The following FOXK1 variants were observed in gnomAD, a reference collection of about 807,000 sequenced individuals.
FOXK1 encodes forkhead box protein K1.
FOXK1 carries 19 observed loss-of-function variants against 51.9 expected under a neutral mutation model. The observed-to-expected ratio is 0.37, with a 90% CI of 0.26 to 0.54. The LOEUF is 0.54. Among genes scored for constraint, FOXK1 ranks in the 20% least tolerant of loss-of-function variants. The probability of loss-of-function intolerance (pLI) is 0.87; values close to 1 mark genes in which losing one functional copy is unlikely to be tolerated. For synonymous variants in FOXK1, 537 were observed against 482.6 expected (o/e 1.11, Z -1.48); for missense variants, 870 against 1,032.7 (o/e 0.84, Z 2.16).
intron 1 of FOXK1, among the ~76,000 whole-genome samples, chr7:4,694,680 C>G (rs1176503695): frequency 2.0e-5 from 3 of 152,172 alleles, no homozygotes; most frequent in African/African-American, 7.2e-5. Context: ...AGATTTGGAG[C>G]TTTGTGCCAG....
In FOXK1 at chr7:4,760,767, C is replaced by T. The variant is rs549555351; in HGVS notation, c.1697-297C>T. 3.9e-5 allele frequency among the ~76,000 whole-genome samples: 6 copies of T among 152,322 alleles called. No homozygotes were observed. The East Asian group carries it at 1.2e-3, about 29-fold the overall frequency. On this transcript the variant is annotated intron_variant, in intron 7 of 8. Coordinates refer to ENST00000328914, the MANE Select transcript of FOXK1 (RefSeq NM_001037165.2). Reference sequence around the variant, plus strand: ...TCAGGAGGCTGAGGCAGGAGAATCGCTTGAACCCGGGAGGCGGAGGTTGCA... The same window carrying T: ...TCAGGAGGCTGAGGCAGGAGAATCGTTTGAACCCGGGAGGCGGAGGTTGCA...
At position 4,768,121 on chromosome 7, in the gene FOXK1, C is replaced by CTTTTTTTTTTTTTT. The variant is rs749703452; in HGVS notation, c.*5673_*5686dup. On this transcript the variant is annotated 3_prime_UTR_variant, in exon 9 of 9. Coordinates refer to ENST00000328914, the MANE Select transcript of FOXK1 (RefSeq NM_001037165.2). ...AAAAACAGACCCATTTCACTGACTT[C>CTTTTTTTTTTTTTT]TTTTTTTTTTTTTTTTTTTTTTTTT... 20 of 79,194 alleles carry CTTTTTTTTTTTTTT rather than the reference C, an allele frequency of 2.5e-4. 1 individual carries two copies. Among genetic ancestry groups the CTTTTTTTTTTTTTT allele is most frequent in the African/African-American group, 1.1e-3 (17 of 15,516 alleles). The allele number at this position is 79,194 out of a possible 1,614,324, so 4.9% of individuals were successfully genotyped here. A position where few individuals can be genotyped will look rare whatever the true frequency, so the allele number is the denominator to read the frequency against.
Position 4,761,329 on chromosome 7 carries a change from CTG to C in FOXK1, c.1921+44_1921+45del. 6.4e-7 allele frequency: 1 copy of C among 1,570,052 alleles called. No homozygotes were observed. On this transcript the variant is annotated intron_variant, in intron 8 of 8. Transcript: ENST00000328914. The surrounding 1 kb of genome is among the most constrained non-coding windows in gnomAD (Gnocchi z 6.2). ...TGTTCTCCATGCCACATCCCAAGCT[CTG>C]TGGCTCCCAGTAGTCAGTGCGGCAT... is the stretch of plus-strand genomic sequence containing the variant.
intron 2 of FOXK1, among the ~76,000 whole-genome samples, chr7:4,746,406 T>G (rs1780702557): frequency 6.6e-6 from 1 of 152,080 alleles, no homozygotes; most frequent in African/African-American, 2.4e-5. Flanking sequence ...TCTTTCAAAG[T>G]TTCTGGTTGG....
chr7:4,747,676 C>T lies in FOXK1; in HGVS notation c.746+6653C>T, dbSNP rs1245320556. On this transcript the variant is annotated intron_variant, in intron 2 of 8. Transcript: ENST00000328914. This position sits in a 1 kb window ranked among gnomAD's most constrained non-coding sequence, Gnocchi z 9.2. Reference sequence around the variant, plus strand: ...GCAGCCTCCTGAGTAGCTAGGACTACAGGCACCCACCACCACACACACCCA... The same window carrying T: ...GCAGCCTCCTGAGTAGCTAGGACTATAGGCACCCACCACCACACACACCCA... Among the ~76,000 whole-genome samples the T allele has an allele frequency of 4.0e-5, 6 of 151,324 alleles. No homozygotes were observed. The East Asian group carries it at 5.9e-4, about 15-fold the overall frequency.
intron 1 of FOXK1, among the ~76,000 whole-genome samples, chr7:4,697,665 G>A (rs1199923195): frequency 6.6e-6 from 1 of 150,382 alleles, no homozygotes; most frequent in Non-Finnish European, 1.5e-5. Context: ...TTGAATCCTG[G>A]GTTTTGGGAA....
rs1447894371 is a variant in FOXK1, at chr7:4,734,411, T to G, written c.561-6427T>G. 6.6e-6 allele frequency among the ~76,000 whole-genome samples: 1 copy of G among 152,204 alleles called. No individual in the cohort carries two copies. The highest frequency in any genetic ancestry group is 1.5e-5 in the Non-Finnish European group (1 of 68,026). On this transcript the variant is annotated intron_variant, in intron 1 of 8. Transcript: ENST00000328914. This position sits in a 1 kb window ranked among gnomAD's most constrained non-coding sequence, Gnocchi z 5.2. The stretch of plus-strand genomic sequence containing the variant: ...GGCAGGTGCAGGGCCCGCTCCCTCC[T>G]TGGGAGGATGAGATGCTCTGTGGCT...
intron 1 of FOXK1, among the ~76,000 whole-genome samples, chr7:4,716,998 CGTGGCTGGAAGGTAGTGGTGGGAGGCGT>C (rs1235932220): frequency 2.5e-5 from 3 of 120,118 alleles, no homozygotes; most frequent in Non-Finnish European, 5.3e-5. Context: ...CTGGGAGGCG[CGTGGCTGGAAGGTAGTGGTGGGAGGCGT>C]GTGGCTGGGA....
intron 5 of FOXK1, 119 bp downstream of exon 5, chr7:4,757,306 A>G (rs1583211844): frequency 1.1e-6 from 1 of 874,734 alleles, no homozygotes; most frequent in African/African-American, 1.7e-5. Flanking sequence ...GTGTACGGGC[A>G]TGCAACTGAT....
At chr7:4,728,454 C>T (rs1260113480) in intron 1 of FOXK1, among the ~76,000 whole-genome samples, 1 of 152,208 alleles carries the variant, frequency 6.6e-6, no homozygotes, top group Admixed American at 6.5e-5. Context: ...GGAGACTCCA[C>T]ATTCCTGAGA....
chr7:4,731,626 G>A lies in FOXK1; in HGVS notation c.561-9212G>A, dbSNP rs184205271. 2.1e-4 allele frequency among the ~76,000 whole-genome samples: 32 copies of A among 152,190 alleles called. No individual in the cohort carries two copies. The highest frequency in any genetic ancestry group is 7.7e-4 in the African/African-American group (32 of 41,532). Reference sequence around the variant, plus strand: ...AATACAAAAATTAGCCGGGCATGGTGGTGGGCACCTGTAATCCCAGCTACT... The same window carrying A: ...AATACAAAAATTAGCCGGGCATGGTAGTGGGCACCTGTAATCCCAGCTACT... On this transcript the variant is annotated intron_variant, in intron 1 of 8. Transcript: ENST00000328914. This position sits in a 1 kb window ranked among gnomAD's most constrained non-coding sequence, Gnocchi z 5.3.
Position 4,768,095 on chromosome 7 carries a change from T to G in FOXK1, c.*5631T>G, listed in dbSNP as rs75568818. 6.7e-6 allele frequency: 1 copy of G among 149,414 alleles called. No individual in the cohort carries two copies. The allele number at this position is 149,414 out of a possible 1,614,324, so 9.3% of individuals were successfully genotyped here. A position where few individuals can be genotyped will look rare whatever the true frequency, so the allele number is the denominator to read the frequency against. The stretch of plus-strand genomic sequence containing the variant: ...CACATTTCCCTCTGGACTGAAATTT[T>G]AAAAACAGACCCATTTCACTGACTT... On this transcript the variant is annotated 3_prime_UTR_variant, in exon 9 of 9. Coordinates refer to ENST00000328914, the MANE Select transcript of FOXK1 (RefSeq NM_001037165.2).
chr7:4,714,890 C>T (rs937630238), intron 1 of FOXK1, among the ~76,000 whole-genome samples: 2 of 152,138 alleles, frequency 1.3e-5, no homozygotes, highest in African/African-American at 2.4e-5. Context: ...CAGAGAGCTG[C>T]GATGAGCATC....
At chr7:4,691,671 C>A (rs1000315308) in intron 1 of FOXK1, among the ~76,000 whole-genome samples, 11 of 152,134 alleles carry the variant, frequency 7.2e-5, no homozygotes, top group Non-Finnish European at 1.5e-4. Context: ...AGAAGAATCT[C>A]GTCTGCCCTC....
In FOXK1 at chr7:4,769,941, G is replaced by A. The variant is rs937371026; in HGVS notation, c.*7477G>A. On this transcript the variant is annotated 3_prime_UTR_variant, in exon 9 of 9. Transcript: ENST00000328914. The surrounding 1 kb of genome is among the most constrained non-coding windows in gnomAD (Gnocchi z 4.1). ...AAAGAGTGCAGGAAAGCTGGGGCCA[G>A]GGGAAGCGAAGTGGCTTCAATCCGG... 6 of 152,320 alleles carry A rather than the reference G, an allele frequency of 3.9e-5. No individual in the cohort carries two copies. In the East Asian group the frequency reaches 9.6e-4, roughly 24 times the overall value. The allele number at this position is 152,320 out of a possible 1,614,324, so 9.4% of individuals were successfully genotyped here.
chr7:4,701,735 T>TA (rs1334431081), intron 1 of FOXK1, among the ~76,000 whole-genome samples: 24 of 151,954 alleles, frequency 1.6e-4, no homozygotes, highest in African/African-American at 5.8e-4. Context: ...CTACTAAAAA[T>TA]ACAAAAAATT....
rs1212081573 is a variant in FOXK1 at position 4,769,768 on chromosome 7, G to A, written c.*7304G>A. Reference sequence around the variant, plus strand: ...TGTCACTTTTTTTGCTCCTTACCCAGTTTTTGTTTTTTGTTGTTTTGTTTT... The same window carrying A: ...TGTCACTTTTTTTGCTCCTTACCCAATTTTTGTTTTTTGTTGTTTTGTTTT... On this transcript the variant is annotated 3_prime_UTR_variant, in exon 9 of 9. Coordinates refer to ENST00000328914, the MANE Select transcript of FOXK1 (RefSeq NM_001037165.2). The surrounding 1 kb of genome is among the most constrained non-coding windows in gnomAD (Gnocchi z 4.1). The A allele has an allele frequency of 1.3e-5, 2 of 152,112 alleles. No individual in the cohort carries two copies. The highest frequency in any genetic ancestry group is 2.4e-5 in the African/African-American group (1 of 41,366). 9.4% of individuals were successfully genotyped at this position (152,112 alleles called of 1,614,324 possible). A position where few individuals can be genotyped will look rare whatever the true frequency, so the allele number is the denominator to read the frequency against.
At chr7:4,751,981 C>G (rs148677372) in intron 2 of FOXK1, among the ~76,000 whole-genome samples, 6 of 152,192 alleles carry the variant, frequency 3.9e-5, no homozygotes, top group African/African-American at 1.2e-4. Context: ...GAGATAAGGT[C>G]TCACTCTGTT....
chr7:4,722,211 G>T lies in FOXK1; in HGVS notation c.561-18627G>T, dbSNP rs922407208. Among the ~76,000 whole-genome samples the T allele has an allele frequency of 6.6e-6, 1 of 152,174 alleles. No homozygotes were observed. Among genetic ancestry groups the T allele is most frequent in the East Asian group, 1.9e-4 (1 of 5,186 alleles). ...AGCAGATGCTGGATTTCACGTCCAC[G>T]GCCGCCTGGAAATAAATGCCAGCAC... On this transcript the variant is annotated intron_variant, in intron 1 of 8. Coordinates refer to ENST00000328914, the MANE Select transcript of FOXK1 (RefSeq NM_001037165.2). This position sits in a 1 kb window ranked among gnomAD's most constrained non-coding sequence, Gnocchi z 5.1.
Sources: allele counts gnomAD v4.1 joint callset (sites outside exome capture counted in the v4.1 genomes callset), GRCh38; gene constraint gnomAD v4.1.1; non-coding constraint Gnocchi (gnomAD v3.1); transcripts MANE v1.5; gene names NCBI Gene and HGNC (gene_info 2026-07-23, HGNC 2026-07-21).